Variants in PTPN4 observed in about 807,000 individuals in gnomAD.
PTPN4 encodes protein tyrosine phosphatase non-receptor type 4.
A neutral mutation model predicts 135.5 loss-of-function variants in PTPN4; 49 were observed. The observed-to-expected ratio is 0.36, with a 90% confidence interval of 0.29 to 0.46. PTPN4 has a LOEUF of 0.46. PTPN4 is among the 20% of genes least tolerant of loss of function. The pLI, the probability that PTPN4 is intolerant of heterozygous loss-of-function variation, is 1.00. For missense variants in PTPN4, 860 were observed against 1,101.0 expected (o/e 0.78, Z 3.10); for synonymous variants, 333 against 369.9 (o/e 0.90, Z 1.14).
At chr2:119,862,196 A>G (rs1488073778) in intron 2 of PTPN4, among the ~76,000 whole-genome samples, 1 of 152,202 alleles carries the variant, frequency 6.6e-6, no homozygotes, top group East Asian at 1.9e-4. Flanking sequence ...CATATTTATT[A>G]TATGCTCTTT....
At chr2:119,872,362 A>G (rs895067132) in intron 3 of PTPN4, among the ~76,000 whole-genome samples, 2 of 152,228 alleles carry the variant, frequency 1.3e-5, no homozygotes, top group Non-Finnish European at 2.9e-5. Flanking sequence ...CACAATGTAT[A>G]CAGCTACCAT....
intron 2 of PTPN4, among the ~76,000 whole-genome samples, chr2:119,838,105 T>C (rs935785806): frequency 6.6e-6 from 1 of 152,286 alleles, no homozygotes; most frequent in Non-Finnish European, 1.5e-5. Context: ...CAATGGAGAC[T>C]TCAAAGGGAA....
At chr2:119,934,743 C>T (rs1413717657) in intron 14 of PTPN4, 57 bp from the exon 15 acceptor site, 2 of 1,548,238 alleles carry the variant, frequency 1.3e-6, no homozygotes, top group East Asian at 2.3e-5. Flanking sequence ...TATTAAGAAA[C>T]TTGGAAATTT....
At chr2:119,906,416 G>C (rs1365871254) in intron 10 of PTPN4, among the ~76,000 whole-genome samples, 1 of 152,044 alleles carries the variant, frequency 6.6e-6, no homozygotes, top group African/African-American at 2.4e-5. Context: ...TACTAGCAAA[G>C]CAAATTCAAT....
chr2:119,967,741 GTTC>G (rs1679466491), intron 25 of PTPN4, 93 bp from the exon 26 acceptor site: 32 of 978,236 alleles, frequency 3.3e-5, no homozygotes, highest in Non-Finnish European at 4.6e-5. Context: ...AAATGATATT[GTTC>G]TTCTGTGTTA....
At chr2:119,784,696 ATTTTTTTTTT>A (rs58879330) in intron 1 of PTPN4, among the ~76,000 whole-genome samples, 1 of 110,166 alleles carries the variant, frequency 9.1e-6, no homozygotes, top group Non-Finnish European at 1.8e-5. Context: ...TGCCCAGCTA[ATTTTTTTTTT>A]TTTTTTTTTT....
chr2:119,967,524 T>C (rs1200852552), intron 25 of PTPN4, among the ~76,000 whole-genome samples: 1 of 152,248 alleles, frequency 6.6e-6, no homozygotes, highest in Non-Finnish European at 1.5e-5. Context: ...ATTGTCATTC[T>C]ATCATTTTGC....
intron 1 of PTPN4, among the ~76,000 whole-genome samples, chr2:119,798,632 A>C (rs1310899122): frequency 3.3e-5 from 5 of 152,238 alleles, no homozygotes; most frequent in Non-Finnish European, 7.3e-5. Flanking sequence ...TGAAATGAAA[A>C]GTAAATGTGG....
rs577782796 is a variant in PTPN4 at position 119,866,277 on chromosome 2, C to T, written c.246+3634C>T. Among the ~76,000 whole-genome samples the T allele has an allele frequency of 5.3e-5, 8 of 152,096 alleles. No individual in the cohort carries two copies. In the East Asian group the frequency reaches 1.5e-3, roughly 29 times the overall value. ...TCTTTCCCTATTAAATTGAATTATA[C>T]TGCTCTTAAGTAGGATAGAGGGTAG... On this transcript the variant is annotated intron_variant, in intron 3 of 26. Transcript: ENST00000263708.
chr2:119,844,800 C>A (rs1391518014), intron 2 of PTPN4, among the ~76,000 whole-genome samples: 1 of 143,758 alleles, frequency 7.0e-6, no homozygotes, highest in African/African-American at 2.7e-5. Context: ...CTCCTCACAT[C>A]CCAGACGATG....
At chr2:119,760,554 A>C (rs550950350) in intron 1 of PTPN4, among the ~76,000 whole-genome samples, 170 bp downstream of exon 1, 40 of 151,786 alleles carry the variant, frequency 2.6e-4, no homozygotes, top group East Asian at 7.7e-4. Context: ...AACAAACAAA[A>C]AAACGCTTTC....
At chr2:119,811,141 G>C (rs1326806384) in intron 2 of PTPN4, among the ~76,000 whole-genome samples, 1 of 152,112 alleles carries the variant, frequency 6.6e-6, no homozygotes, top group East Asian at 1.9e-4. Flanking sequence ...ATGATGAGTT[G>C]ATGGGTGCAG....
Position 119,965,562 on chromosome 2 carries a change from T to C in PTPN4, c.2475T>C (p.Asp825=). The stretch of plus-strand genomic sequence containing the variant: ...CCTGGCCTGACCATGGAGTCCCTGA[T>C]GATTCGAGTGACTTTCTAGATTTTG... ...YIAWPDHGVP[D]DSSDFLDFVC... Residue 825 remains aspartate, a synonymous_variant, in exon 25 of 27, where the codon GAT becomes GAC. Transcript: ENST00000263708. The C allele has an allele frequency of 6.2e-7, 1 of 1,613,730 alleles. No individual in the cohort carries two copies. The highest frequency in any genetic ancestry group is 1.7e-5 in the Admixed American group (1 of 60,022).
intron 2 of PTPN4, among the ~76,000 whole-genome samples, chr2:119,839,423 GTGA>G (rs1677346881): frequency 6.6e-6 from 1 of 152,186 alleles, no homozygotes; most frequent in African/African-American, 2.4e-5. Context: ...TCTGAAGTGA[GTGA>G]TGAGAGGACA....
intron 12 of PTPN4, among the ~76,000 whole-genome samples, chr2:119,922,111 A>T (rs955143060): frequency 4.6e-5 from 7 of 152,150 alleles, no homozygotes; most frequent in African/African-American, 1.7e-4. Flanking sequence ...GTGACTTCAA[A>T]TACAAAAGAC....
At chr2:119,877,128 T>C (rs969493272) in intron 3 of PTPN4, among the ~76,000 whole-genome samples, 195 bp from the exon 4 acceptor site, 1 of 152,140 alleles carries the variant, frequency 6.6e-6, no homozygotes, top group African/African-American at 2.4e-5. Context: ...TATTAACACA[T>C]TCACTAATTT....
intron 1 of PTPN4, among the ~76,000 whole-genome samples, chr2:119,774,167 TAG>T (rs1410473518): frequency 6.6e-6 from 1 of 152,214 alleles, no homozygotes; most frequent in African/African-American, 2.4e-5. Context: ...TCATCATGTT[TAG>T]TGCAAATCAT....
At chr2:119,813,491 C>T (rs1676934157) in intron 2 of PTPN4, among the ~76,000 whole-genome samples, 1 of 151,866 alleles carries the variant, frequency 6.6e-6, no homozygotes, top group African/African-American at 2.4e-5. Flanking sequence ...AGGTGATCCA[C>T]CTGCCTTGGC....
At chr2:119,912,830 C>A (rs1387200913) in intron 10 of PTPN4, among the ~76,000 whole-genome samples, 1 of 152,072 alleles carries the variant, frequency 6.6e-6, no homozygotes, top group Non-Finnish European at 1.5e-5. Flanking sequence ...ATTTATATTA[C>A]CCCTAAAAGA....
Sources: allele counts gnomAD v4.1 joint callset (sites outside exome capture counted in the v4.1 genomes callset), GRCh38; gene constraint gnomAD v4.1.1; transcripts MANE v1.5; gene names NCBI Gene and HGNC (gene_info 2026-07-23, HGNC 2026-07-21).